PYHIN1: variants seen among roughly 807,000 people sequenced by gnomAD.
PYHIN1 encodes pyrin and HIN domain-containing protein 1.
A neutral mutation model predicts 43.7 loss-of-function variants in PYHIN1; 32 were observed. The observed-to-expected ratio is 0.73, with a 90% confidence interval of 0.55 to 0.98. PYHIN1 has a LOEUF of 0.98. PYHIN1 is among the 50% of genes least tolerant of loss of function. The probability of loss-of-function intolerance (pLI) is 0.00; values close to 1 mark genes in which losing one functional copy is unlikely to be tolerated. For missense variants in PYHIN1, 588 were observed against 589.5 expected (o/e 1.00, Z 0.03); for synonymous variants, 205 against 203.1 (o/e 1.01, Z -0.08).
intron 8 of PYHIN1, among the ~76,000 whole-genome samples, chr1:158,975,376 A>G (rs1305677355): frequency 6.6e-6 from 1 of 152,092 alleles, no homozygotes; most frequent in Non-Finnish European, 1.5e-5. Context: ...AAACAAATGG[A>G]GATATTACTG....
chr1:158,946,604 C>T (rs186143458), intron 7 of PYHIN1, among the ~76,000 whole-genome samples: 39 of 150,440 alleles, frequency 2.6e-4, no homozygotes, highest in African/African-American at 9.0e-4. Flanking sequence ...AAACATAAAG[C>T]TGGATTTCCT....
chr1:158,957,920 A>T (rs1209508296), intron 7 of PYHIN1, among the ~76,000 whole-genome samples: 2 of 151,832 alleles, frequency 1.3e-5, no homozygotes, highest in Non-Finnish European at 2.9e-5. Context: ...AAAAAAACAA[A>T]CAACCCCATC....
chr1:158,983,412 T>C, the PYHIN1 span, among the ~76,000 whole-genome samples: 1 of 152,172 alleles, frequency 6.6e-6, no homozygotes, highest in African/African-American at 2.4e-5. Flanking sequence ...GATTTTTGTT[T>C]TTAGTTCTGT....
chr1:158,943,845 TG>T lies in PYHIN1; in HGVS notation c.1060del (p.Ala354LeufsTer2). ...GAAATTCAGGATAAAACAGGAAGTA[TG>T]GCTGTAGTAGGAAAAGGAGAATGCC... ...IYEIQDKTGS[M>X]AVVGKGECHN... On this transcript the variant is annotated frameshift_variant, in exon 6 of 9. Transcript: ENST00000368140. LOFTEE classifies it high-confidence loss of function. 6.2e-7 allele frequency: 1 copy of T among 1,609,868 alleles called. No homozygotes were observed. Among genetic ancestry groups the T allele is most frequent in the Non-Finnish European group, 8.5e-7 (1 of 1,177,094 alleles).
At chr1:158,989,965 C>A in the PYHIN1 span, among the ~76,000 whole-genome samples, 4 of 151,740 alleles carry the variant, frequency 2.6e-5, no homozygotes, top group South Asian at 6.2e-4. Context: ...ATCTACAGAA[C>A]CTTAAAGATT....
chr1:158,937,296 T>G, intron 2 of PYHIN1, 121 bp downstream of exon 2: 3 of 1,050,688 alleles, frequency 2.9e-6, no homozygotes, highest in Non-Finnish European at 4.1e-6. Flanking sequence ...TCACTGGCCA[T>G]GGCAATGTTG....
At chr1:158,950,436 T>C (rs909745229) in intron 7 of PYHIN1, among the ~76,000 whole-genome samples, 1 of 152,134 alleles carries the variant, frequency 6.6e-6, no homozygotes, top group African/African-American at 2.4e-5. Context: ...TCATTTCTGG[T>C]ACCAGGTTGG....
rs75123910 is a variant in PYHIN1 at position 158,959,781 on chromosome 1, T to A, written c.1360-13866T>A. On this transcript the variant is annotated intron_variant, in intron 7 of 8. Coordinates refer to ENST00000368140, the MANE Select transcript of PYHIN1 (RefSeq NM_152501.5). ...GAGTGAAGGAGTGATTTTCCCCCTT[T>A]CTATACCATAAGCTCAGATGGTAGG... Among the ~76,000 whole-genome samples, 1,358 of 152,274 alleles carry A rather than the reference T, an allele frequency of 8.9e-3. 25 individuals are homozygous for A. Among genetic ancestry groups the A allele is most frequent in the African/African-American group, 0.031 (1,281 of 41,542 alleles).
intron 7 of PYHIN1, among the ~76,000 whole-genome samples, chr1:158,955,965 C>T: frequency 7.4e-6 from 1 of 135,862 alleles, no homozygotes; most frequent in African/African-American, 2.7e-5. Context: ...TCAGAGAATA[C>T]TACAAACACC....
chr1:158,971,389 T>C (rs910051493), intron 7 of PYHIN1, among the ~76,000 whole-genome samples: 1 of 151,922 alleles, frequency 6.6e-6, no homozygotes, highest in Admixed American at 6.6e-5. Flanking sequence ...GAATCACATG[T>C]GATTTTCCAG....
chr1:158,990,589 T>C, the PYHIN1 span, among the ~76,000 whole-genome samples: 1 of 152,208 alleles, frequency 6.6e-6, no homozygotes, highest in African/African-American at 2.4e-5. Context: ...TATAGTCACC[T>C]TGCTATAAAA....
chr1:158,956,258 T>C (rs372179365), intron 7 of PYHIN1, among the ~76,000 whole-genome samples: 4 of 151,820 alleles, frequency 2.6e-5, no homozygotes, highest in East Asian at 1.9e-4. Context: ...TTTTATGAGG[T>C]CAGCATCATT....
chr1:158,932,323 G>GT (rs1384225413), intron 1 of PYHIN1, among the ~76,000 whole-genome samples: 2 of 152,168 alleles, frequency 1.3e-5, no homozygotes, highest in African/African-American at 4.8e-5. Context: ...GGTGGGAGCA[G>GT]TATGTGGGTT....
chr1:158,934,525 G>C (rs956169299), intron 1 of PYHIN1, among the ~76,000 whole-genome samples: 5 of 151,786 alleles, frequency 3.3e-5, no homozygotes, highest in African/African-American at 9.7e-5. Flanking sequence ...GAGGCTTATG[G>C]AGTATTTATT....
intron 7 of PYHIN1, chr1:158,945,243 C>T (rs775115461): frequency 1.1e-5 from 5 of 475,550 alleles, no homozygotes; most frequent in Non-Finnish European, 1.8e-5. Context: ...TTTATTTGTG[C>T]AACGATTGCT....
chr1:158,953,108 A>T (rs887682346), intron 7 of PYHIN1, among the ~76,000 whole-genome samples: 2 of 152,230 alleles, frequency 1.3e-5, no homozygotes, highest in African/African-American at 4.8e-5. Context: ...TCCTACGCCC[A>T]CGGGTCTCGC....
At chr1:158,989,723 T>G in the PYHIN1 span, among the ~76,000 whole-genome samples, 1 of 152,190 alleles carries the variant, frequency 6.6e-6, no homozygotes, top group Non-Finnish European at 1.5e-5. Flanking sequence ...TCAGGCTTAA[T>G]TCCTCCAGAG....
chr1:158,961,931 G>A (rs142608762), intron 7 of PYHIN1, among the ~76,000 whole-genome samples: 4 of 152,208 alleles, frequency 2.6e-5, no homozygotes, highest in South Asian at 2.1e-4. Flanking sequence ...TCTAAGCCTC[G>A]CCTCCACTGC....
chr1:158,984,012 A>C, the PYHIN1 span, among the ~76,000 whole-genome samples: 2 of 114,582 alleles, frequency 1.7e-5, no homozygotes, highest in African/African-American at 3.3e-5. Context: ...AATTGTATTT[A>C]TTTGGATCTT....
Sources: gnomAD v4.1 joint callset for allele counts (sites outside exome capture counted in the v4.1 genomes callset) on GRCh38, gnomAD v4.1.1 for gene constraint, MANE v1.5 for transcripts, NCBI Gene and HGNC (gene_info 2026-07-23, HGNC 2026-07-21) for gene names.